Variants in PPA2 observed in about 807,000 individuals in gnomAD.
The protein encoded by PPA2 is inorganic pyrophosphatase 2.
Under a neutral mutation model 49.5 loss-of-function variants are expected in PPA2, and 48 were observed. The ratio of observed to expected loss-of-function variants is 0.97; its 90% CI spans 0.77 to 1.23. The LOEUF is 1.23. PPA2 is among the 50% of genes most tolerant of loss of function. The pLI is 0.00. For missense variants in PPA2, 429 were observed against 410.1 expected, an observed-to-expected ratio of 1.05 and a Z score of -0.40; for synonymous variants, 131 against 139.9, an observed-to-expected ratio of 0.94 and a Z score of 0.45.
intron 4 of PPA2, among the ~76,000 whole-genome samples, chr4:105,448,932 A>C (rs1036098343): frequency 2.7e-5 from 4 of 148,616 alleles, no homozygotes; most frequent in Non-Finnish European, 5.9e-5. Context: ...CAAATTTAAA[A>C]TATTGGCCGG....
chr4:105,473,801 G>C (rs184278372), intron 1 of PPA2, 93 bp downstream of exon 1: 1 of 1,520,110 alleles, frequency 6.6e-7, no homozygotes, highest in Non-Finnish European at 8.9e-7. Flanking sequence ...AGAGAGAAGG[G>C]AGACCGCGCG....
At chr4:105,416,924 A>G (rs1490912413) in intron 7 of PPA2, among the ~76,000 whole-genome samples, 2 of 152,244 alleles carry the variant, frequency 1.3e-5, no homozygotes, top group Non-Finnish European at 2.9e-5. Flanking sequence ...AGTGAGTATT[A>G]CCAAACAAGG....
At chr4:105,424,462 C>T in intron 6 of PPA2, 140 bp from the exon 7 acceptor site, 5 of 771,182 alleles carry the variant, frequency 6.5e-6, no homozygotes, top group Non-Finnish European at 9.3e-6. Context: ...ATGAAAATAG[C>T]CAAAGTCTGC....
chr4:105,439,125 GACAA>G (rs1724215868), intron 5 of PPA2, among the ~76,000 whole-genome samples: 1 of 152,026 alleles, frequency 6.6e-6, no homozygotes, highest in South Asian at 2.1e-4. Flanking sequence ...GGTCATAGGT[GACAA>G]ACACTTTCTA....
At chr4:105,473,710 G>C in intron 1 of PPA2, 184 bp downstream of exon 1, 1 of 943,240 alleles carries the variant, frequency 1.1e-6, no homozygotes, top group South Asian at 1.3e-5. Flanking sequence ...CCTCCTCGCT[G>C]GCAGTTCTCG....
chr4:105,402,031 G>T (rs1318815853), intron 7 of PPA2, among the ~76,000 whole-genome samples: 7 of 152,042 alleles, frequency 4.6e-5, no homozygotes, highest in African/African-American at 1.7e-4. Context: ...GAATTTATGA[G>T]TACAAAAAAG....
intron 1 of PPA2, among the ~76,000 whole-genome samples, chr4:105,462,859 A>G (rs1226686029): frequency 6.6e-6 from 1 of 152,216 alleles, no homozygotes; most frequent in East Asian, 1.9e-4. Flanking sequence ...CCACCATATG[A>G]GACGTGCCTT....
intron 7 of PPA2, among the ~76,000 whole-genome samples, chr4:105,422,085 G>A (rs1723279242): frequency 6.6e-6 from 1 of 152,098 alleles, no homozygotes; most frequent in Non-Finnish European, 1.5e-5. Context: ...AGATATAGGA[G>A]AAGAGTACTT....
intron 6 of PPA2, among the ~76,000 whole-genome samples, chr4:105,434,936 C>G (rs760841006): frequency 5.3e-5 from 8 of 152,138 alleles, no homozygotes; most frequent in Admixed American, 1.3e-4. Flanking sequence ...CTTACAAAAC[C>G]ACCACGCTTC....
rs1041130045 is a variant in PPA2 at position 105,425,281 on chromosome 4, T to C, written c.529-959A>G. On this transcript the variant is annotated intron_variant, in intron 6 of 11. Transcript: ENST00000341695. ...AAACATTTCCAGAAATGTTAGATGATGGAATTAACAGATAGGAACCTCAAA... is the reference window on the plus strand; with the variant it reads ...AAACATTTCCAGAAATGTTAGATGACGGAATTAACAGATAGGAACCTCAAA... Among the ~76,000 whole-genome samples the C allele has an allele frequency of 3.3e-5, 5 of 152,020 alleles. No individual in the cohort carries two copies. In the South Asian group the frequency reaches 8.3e-4, roughly 25 times the overall value.
intron 7 of PPA2, among the ~76,000 whole-genome samples, chr4:105,423,724 C>T (rs1207440927): frequency 2.6e-5 from 4 of 152,152 alleles, no homozygotes; most frequent in African/African-American, 9.7e-5. Flanking sequence ...TTACTTTTCC[C>T]TTCATTTGTA....
intron 7 of PPA2, among the ~76,000 whole-genome samples, chr4:105,406,606 T>G (rs1011881909): frequency 6.6e-6 from 1 of 152,168 alleles, no homozygotes; most frequent in Non-Finnish European, 1.5e-5. Context: ...AAGGTTTACA[T>G]GAAGGATTAG....
intron 1 of PPA2, chr4:105,473,542 G>T (rs1158877044): frequency 5.9e-6 from 3 of 511,524 alleles, no homozygotes; most frequent in Non-Finnish European, 1.1e-5. Context: ...AACCGGGAAC[G>T]GCGGCCGGGC....
At chr4:105,423,042 A>G (rs1723322250) in intron 7 of PPA2, among the ~76,000 whole-genome samples, 1 of 152,178 alleles carries the variant, frequency 6.6e-6, no homozygotes, top group Non-Finnish European at 1.5e-5. Flanking sequence ...AATAAAATTT[A>G]TTTACTGTTC....
At chr4:105,413,664 T>A (rs1398962393) in intron 7 of PPA2, among the ~76,000 whole-genome samples, 4 of 152,142 alleles carry the variant, frequency 2.6e-5, no homozygotes, top group Non-Finnish European at 5.9e-5. Flanking sequence ...AAGAAAGACA[T>A]TCCAAAACAG....
At chr4:105,370,473 G>T in intron 11 of PPA2, 2 of 382,276 alleles carry the variant, frequency 5.2e-6, no homozygotes, top group Non-Finnish European at 7.1e-6. Flanking sequence ...AAGATCTTCA[G>T]CTAAAATAAG....
intron 4 of PPA2, 86 bp downstream of exon 4, chr4:105,449,236 AAAAAAAAAAAAAAAAAAAAAAAAAAAAT>A: frequency 1.7e-5 from 1 of 57,252 alleles, no homozygotes; most frequent in East Asian, 2.5e-4. Context: ...AAAAAAAAAA[AAAAAAAAAAAAAAAAAAAAAAAAAAAAT>A]TTAAAATATT....
chr4:105,426,459 AG>A (rs943217124), intron 6 of PPA2, among the ~76,000 whole-genome samples: 24 of 152,322 alleles, frequency 1.6e-4, no homozygotes, highest in African/African-American at 5.8e-4. Context: ...CTGTACCTGG[AG>A]GAATGGTGCA....
chr4:105,425,762 A>ACACC (rs1367711764), intron 6 of PPA2, among the ~76,000 whole-genome samples: 160 of 140,036 alleles, frequency 1.1e-3, no homozygotes, highest in African/African-American at 4.8e-3. Flanking sequence ...ACACACACAC[A>ACACC]CCCATCAGAA....
Sources: allele counts gnomAD v4.1 joint callset (sites outside exome capture counted in the v4.1 genomes callset), GRCh38; gene constraint gnomAD v4.1.1; transcripts MANE v1.5; gene names NCBI Gene and HGNC (gene_info 2026-07-23, HGNC 2026-07-21).